Variants in BLTP2 observed in about 807,000 individuals in gnomAD.
BLTP2 encodes the protein bridge-like lipid transfer protein family member 2, also known as U937-associated antigen.
chr17:28,639,649 G>T, the BLTP2 span: 1 of 1,613,736 alleles, frequency 6.2e-7, no homozygotes, highest in South Asian at 1.1e-5. Context: ...CCATCTGTAA[G>T]AGGCCAGAGG....
At chr17:28,640,791 G>C in the BLTP2 span, 242 of 1,035,240 alleles carry the variant, frequency 2.3e-4, no homozygotes, top group Non-Finnish European at 3.4e-4. Flanking sequence ...AGTAGGCTAA[G>C]CAAATGCCTA....
At chr17:28,639,545 G>C in the BLTP2 span, 8 of 1,613,082 alleles carry the variant, frequency 5.0e-6, no homozygotes, top group Non-Finnish European at 6.8e-6. Context: ...ATAGAGAAAG[G>C]AACAATTCTT....
At chr17:28,628,154 A>T in the BLTP2 span, 1 of 919,238 alleles carries the variant, frequency 1.1e-6, no homozygotes, top group Non-Finnish European at 1.7e-6. Flanking sequence ...TAATAGTTTC[A>T]CTTCTTTACC....
chr17:28,620,939 T>C, the BLTP2 span: 1 of 1,532,520 alleles, frequency 6.5e-7, no homozygotes, highest in Admixed American at 1.7e-5. Flanking sequence ...AATAACTACT[T>C]TCACAATTTC....
the BLTP2 span, chr17:28,618,671 T>C: frequency 1.3e-6 from 1 of 742,234 alleles, no homozygotes; most frequent in East Asian, 2.5e-5. Flanking sequence ...TTAATGATAC[T>C]ATCATTAATA....
the BLTP2 span, chr17:28,632,369 C>T: frequency 1.5e-6 from 1 of 678,764 alleles, no homozygotes; most frequent in Non-Finnish European, 2.5e-6. Context: ...TCACATTCAG[C>T]ATCCCCAACT....
chr17:28,640,661 C>T, the BLTP2 span: 1 of 1,614,048 alleles, frequency 6.2e-7, no homozygotes, highest in South Asian at 1.1e-5. Flanking sequence ...GCAGAGTTGG[C>T]TCAACTAAGT....
the BLTP2 span, chr17:28,634,576 C>G: frequency 4.3e-6 from 7 of 1,614,166 alleles, no homozygotes; most frequent in Admixed American, 8.3e-5. Flanking sequence ...AAGATCTAAT[C>G]CCTCAGGGGG....
chr17:28,640,505 C>G, the BLTP2 span: 1 of 1,598,770 alleles, frequency 6.3e-7, no homozygotes, highest in African/African-American at 1.3e-5. Flanking sequence ...ACAGAGATAC[C>G]AACATACAGC....
the BLTP2 span, chr17:28,633,523 G>C: frequency 5.0e-6 from 8 of 1,610,700 alleles, no homozygotes; most frequent in Non-Finnish European, 6.8e-6. Context: ...ATCCTGATAG[G>C]ATAAAAGTAT....
At chr17:28,643,429 A>C in the BLTP2 span, 8 of 1,447,244 alleles carry the variant, frequency 5.5e-6, no homozygotes. Flanking sequence ...CACAGAGATT[A>C]GTTTCATAGC....
At chr17:28,625,766 CT>C in the BLTP2 span, among the ~76,000 whole-genome samples, 1 of 151,944 alleles carries the variant, frequency 6.6e-6, no homozygotes, top group Non-Finnish European at 1.5e-5. Flanking sequence ...GCCCTCAATG[CT>C]TTTTTTTCTT....
At chr17:28,629,795 A>G in the BLTP2 span, among the ~76,000 whole-genome samples, 2 of 151,822 alleles carry the variant, frequency 1.3e-5, no homozygotes, top group Non-Finnish European at 2.9e-5. Flanking sequence ...TTGTATTTTT[A>G]GTAGAGACAG....
the BLTP2 span, chr17:28,631,693 A>G: frequency 6.2e-7 from 1 of 1,614,000 alleles, no homozygotes; most frequent in Non-Finnish European, 8.5e-7. Flanking sequence ...TGAGAAAAAG[A>G]GGCACACAGA....
chr17:28,623,981 G>A, the BLTP2 span: 4 of 1,611,562 alleles, frequency 2.5e-6, no homozygotes, highest in Non-Finnish European at 1.7e-6. Flanking sequence ...GCCAGAGATA[G>A]AAGCAGAGTT....
At chr17:28,633,797 CT>C in the BLTP2 span, 1 of 1,601,638 alleles carries the variant, frequency 6.2e-7, no homozygotes, top group African/African-American at 1.3e-5. Flanking sequence ...AACATTACCC[CT>C]CTCTTCCTCC....
At chr17:28,644,902 C>A in the BLTP2 span, 1 of 1,210,698 alleles carries the variant, frequency 8.3e-7, no homozygotes, top group South Asian at 1.3e-5. Context: ...CAGTAAGGCG[C>A]GCGCCCCCTC....
chr17:28,643,678 A>C, the BLTP2 span: 67 of 1,613,220 alleles, frequency 4.2e-5, no homozygotes, highest in Non-Finnish European at 5.5e-5. Flanking sequence ...GTGAGGGAGA[A>C]AGCTCTGTGT....
At chr17:28,644,279 G>C in the BLTP2 span, 8 of 1,411,940 alleles carry the variant, frequency 5.7e-6, no homozygotes, top group Non-Finnish European at 5.8e-6. Flanking sequence ...GCAAAAGGTC[G>C]TTCCTGAAAC....
Sources: allele counts gnomAD v4.1 joint callset (sites outside exome capture counted in the v4.1 genomes callset), GRCh38; gene constraint gnomAD v4.1.1; transcripts MANE v1.5; gene names NCBI Gene and HGNC (gene_info 2026-07-23, HGNC 2026-07-21).